Variants in PRKCZ observed in about 807,000 individuals in gnomAD.
PRKCZ encodes protein kinase C zeta type.
PRKCZ carries 33 observed loss-of-function variants against 79.5 expected under a neutral mutation model. The observed-to-expected ratio is 0.41, with a 90% CI of 0.31 to 0.55. The LOEUF is 0.55. PRKCZ is among the 20% of genes least tolerant of loss of function. PRKCZ has a pLI of 0.19. For missense variants in PRKCZ, 578 were observed against 813.5 expected, an observed-to-expected ratio of 0.71 and a Z score of 3.52; for synonymous variants, 342 against 320.9, an observed-to-expected ratio of 1.07 and a Z score of -0.70.
upstream of PRKCZ, chr1:2,050,346 G>T: frequency 6.2e-6 from 1 of 162,522 alleles, no homozygotes; most frequent in Non-Finnish European, 1.3e-5. Flanking sequence ...GGCCGCAGGT[G>T]CCACCGCCCG....
chr1:2,095,150 C>T (rs779968417), intron 4 of PRKCZ, among the ~76,000 whole-genome samples: 19 of 152,156 alleles, frequency 1.2e-4, no homozygotes, highest in Non-Finnish European at 2.4e-4. Context: ...ATGCCGTCTC[C>T]CTGGGGCACC....
At position 2,152,442 on chromosome 1, in the gene PRKCZ, G is replaced by A. The variant is rs542460617; in HGVS notation, c.876+1464G>A. Reference sequence around the variant, plus strand: ...CAGCTACTCAGAGGCTGAGACAGGAGAATCGCTTGAACCAGGGAGGCGGAG... The same window carrying A: ...CAGCTACTCAGAGGCTGAGACAGGAAAATCGCTTGAACCAGGGAGGCGGAG... On this transcript the variant is annotated intron_variant, in intron 9 of 17. Transcript: ENST00000378567. Among the ~76,000 whole-genome samples, 12 of 152,286 alleles carry A rather than the reference G, an allele frequency of 7.9e-5. No individual in the cohort carries two copies. In the South Asian group the frequency reaches 2.3e-3, roughly 29 times the overall value.
intron 4 of PRKCZ, among the ~76,000 whole-genome samples, chr1:2,060,247 C>A (rs762911893): frequency 1.3e-5 from 2 of 152,274 alleles, no homozygotes; most frequent in Non-Finnish European, 2.9e-5. Context: ...ACCGAGGCCG[C>A]TGCCTGTCCA....
intron 4 of PRKCZ, among the ~76,000 whole-genome samples, chr1:2,115,012 G>C (rs1272002223): frequency 6.6e-6 from 1 of 152,268 alleles, no homozygotes; most frequent in Non-Finnish European, 1.5e-5. Context: ...GCTGATCCGT[G>C]TGTAGCTTGT....
rs1557516967 is a variant in PRKCZ at position 2,082,409 on chromosome 1, A to T, written c.334+22818A>T. On this transcript the variant is annotated intron_variant, in intron 4 of 17. Transcript: ENST00000378567. This position sits in a 1 kb window ranked among gnomAD's most constrained non-coding sequence, Gnocchi z 4.4. The stretch of plus-strand genomic sequence containing the variant: ...TCTGGTAGTTTGTGTTTATTTATTT[A>T]TCTTGGCCAGCAGAGAGAATTGAGT... 2.2e-6 allele frequency: 1 copy of T among 456,276 alleles called. No homozygotes were observed. The highest frequency in any genetic ancestry group is 3.3e-4 in the Middle Eastern group (1 of 3,074). 28.3% of individuals were successfully genotyped at this position (456,276 alleles called of 1,614,324 possible).
chr1:2,173,864 C>T lies in PRKCZ; in HGVS notation c.1286-33C>T, dbSNP rs1211600313. ...TCGTCCTGCTGCCGGCCCATGTGGC[C>T]CCACTCGGTGATGGCTGTGTGCTCT... On this transcript the variant is annotated intron_variant, in intron 13 of 17. Coordinates refer to ENST00000378567, the MANE Select transcript of PRKCZ (RefSeq NM_002744.6). This position sits in a 1 kb window ranked among gnomAD's most constrained non-coding sequence, Gnocchi z 5.7. 2 of 1,553,164 alleles carry T rather than the reference C, an allele frequency of 1.3e-6. No homozygotes were observed. The highest frequency in any genetic ancestry group is 1.4e-5 in the African/African-American group (1 of 72,530).
At chr1:2,109,035 GC>G (rs554063569) in intron 4 of PRKCZ, among the ~76,000 whole-genome samples, 3 of 151,950 alleles carry the variant, frequency 2.0e-5, no homozygotes, top group Non-Finnish European at 2.9e-5. Flanking sequence ...TGATACAGCC[GC>G]CCCCCCATCC....
At chr1:2,073,766 G>A (rs1029385612) in intron 4 of PRKCZ, 156 of 1,010,572 alleles carry the variant, frequency 1.5e-4, no homozygotes, top group Non-Finnish European at 1.7e-4. Context: ...CCGGCCTTCC[G>A]TTAAATATCT....
At position 2,121,742 on chromosome 1, in the gene PRKCZ, G is replaced by A. The variant is rs1181611157; in HGVS notation, c.335-13520G>A. 3.8e-5 allele frequency among the ~76,000 whole-genome samples: 3 copies of A among 78,678 alleles called. 1 individual carries two copies. The highest frequency in any genetic ancestry group is 5.4e-5 in the African/African-American group (1 of 18,350). The allele number at this position is 78,678 out of a possible 152,430, so 51.6% of individuals were successfully genotyped here. Reference sequence around the variant, plus strand: ...GGGTCACGGCGGTACTTAGGGTCACGGCGGTGGTTAGGGTCACGGCGGTGG... The same window carrying A: ...GGGTCACGGCGGTACTTAGGGTCACAGCGGTGGTTAGGGTCACGGCGGTGG... On this transcript the variant is annotated intron_variant, in intron 4 of 17. Coordinates refer to ENST00000378567, the MANE Select transcript of PRKCZ (RefSeq NM_002744.6).
chr1:2,117,998 C>CCCTTTTTTTTT (rs58233626), intron 4 of PRKCZ, among the ~76,000 whole-genome samples: 1 of 65,058 alleles, frequency 1.5e-5, no homozygotes, highest in African/African-American at 6.2e-5. Flanking sequence ...CCTATTATTT[C>CCCTTTTTTTTT]TTTTTTTTTT....
intron 1 of PRKCZ, among the ~76,000 whole-genome samples, chr1:2,053,327 C>A (rs941112016): frequency 2.3e-4 from 35 of 152,312 alleles, no homozygotes; most frequent in African/African-American, 7.5e-4. Flanking sequence ...TCTCGAACTT[C>A]TGACCTCGTG....
At chr1:2,161,920 C>T (rs994214029) in intron 10 of PRKCZ, among the ~76,000 whole-genome samples, 8 of 151,946 alleles carry the variant, frequency 5.3e-5, no homozygotes, top group African/African-American at 1.5e-4. Context: ...TACTAGATAA[C>T]GACAGAGACC....
intron 4 of PRKCZ, among the ~76,000 whole-genome samples, chr1:2,113,614 C>G (rs1333490875): frequency 6.6e-6 from 1 of 152,208 alleles, no homozygotes; most frequent in Non-Finnish European, 1.5e-5. Context: ...TGCAGCCTGC[C>G]TGTCTGTGTC....
At chr1:2,167,163 T>C (rs2103434801) in intron 10 of PRKCZ, among the ~76,000 whole-genome samples, 1 of 152,358 alleles carries the variant, frequency 6.6e-6, no homozygotes, top group South Asian at 2.1e-4. Flanking sequence ...AATAAATTCC[T>C]TCCTCAGCAA....
intron 4 of PRKCZ, among the ~76,000 whole-genome samples, chr1:2,112,469 G>A (rs1669933112): frequency 6.6e-6 from 1 of 152,148 alleles, no homozygotes; most frequent in African/African-American, 2.4e-5. Flanking sequence ...TCATGCTGAG[G>A]ACCCCTCAGT....
At chr1:2,109,766 G>GTCCA (rs1669345790) in intron 4 of PRKCZ, among the ~76,000 whole-genome samples, 1 of 152,130 alleles carries the variant, frequency 6.6e-6, no homozygotes, top group Non-Finnish European at 1.5e-5. Context: ...GGCAGGTGAG[G>GTCCA]TCCAGGCCAT....
intron 10 of PRKCZ, among the ~76,000 whole-genome samples, chr1:2,159,950 C>T (rs957013706): frequency 5.3e-5 from 8 of 152,150 alleles, no homozygotes; most frequent in Admixed American, 2.6e-4. Flanking sequence ...CAACTGGAGT[C>T]GGAGGACACT....
chr1:2,142,249 G>A, intron 5 of PRKCZ: 1 of 302,630 alleles, frequency 3.3e-6, no homozygotes, highest in South Asian at 2.5e-5. Flanking sequence ...AGCAGCCGAA[G>A]CGCCTCCTTT....
At chr1:2,095,069 G>T (rs1331039130) in intron 4 of PRKCZ, among the ~76,000 whole-genome samples, 1 of 152,172 alleles carries the variant, frequency 6.6e-6, no homozygotes, top group African/African-American at 2.4e-5. Flanking sequence ...CCCGTAGCAG[G>T]GTGGTGGTTT....
Sources: allele counts gnomAD v4.1 joint callset (sites outside exome capture counted in the v4.1 genomes callset), GRCh38; gene constraint gnomAD v4.1.1; non-coding constraint Gnocchi (gnomAD v3.1); transcripts MANE v1.5; gene names NCBI Gene and HGNC (gene_info 2026-07-23, HGNC 2026-07-21).